Variants in CNTLN observed in about 807,000 individuals in gnomAD.
CNTLN encodes centlein.
Under a neutral mutation model 180.0 loss-of-function variants are expected in CNTLN, and 212 were observed. The ratio of observed to expected loss-of-function variants is 1.18; its 90% CI spans 1.05 to 1.32. The LOEUF is 1.32. Ranked by LOEUF, CNTLN falls within the 40% of genes most tolerant of loss-of-function variation. The probability of loss-of-function intolerance (pLI) is 0.00; values close to 1 mark genes in which losing one functional copy is unlikely to be tolerated. For synonymous variants in CNTLN, 722 were observed against 563.1 expected, an observed-to-expected ratio of 1.28 and a Z score of -3.99; for missense variants, 2,095 against 1,610.9, an observed-to-expected ratio of 1.30 and a Z score of -5.14.
intron 7 of CNTLN, among the ~76,000 whole-genome samples, chr9:17,307,177 A>G (rs1238718914): frequency 6.6e-6 from 1 of 152,246 alleles, no homozygotes; most frequent in Non-Finnish European, 1.5e-5. Flanking sequence ...TTTATAAATC[A>G]TATAGGCAAT....
At chr9:17,481,438 C>A (rs140993893) in intron 23 of CNTLN, among the ~76,000 whole-genome samples, 1 of 152,312 alleles carries the variant, frequency 6.6e-6, no homozygotes, top group Non-Finnish European at 1.5e-5. Context: ...TGGAACCCAG[C>A]TTGCAGCCAG....
At chr9:17,251,143 T>C (rs764689898) in intron 5 of CNTLN, among the ~76,000 whole-genome samples, 13 of 152,092 alleles carry the variant, frequency 8.5e-5, no homozygotes, top group Non-Finnish European at 1.9e-4. Flanking sequence ...ATGTATGTGA[T>C]GAGTCACTTC....
intron 15 of CNTLN, among the ~76,000 whole-genome samples, chr9:17,400,990 C>T (rs1204976629): frequency 2.6e-5 from 4 of 152,140 alleles, no homozygotes; most frequent in Non-Finnish European, 5.9e-5. Context: ...TTTTATACTG[C>T]TATTTTTTAA....
intron 2 of CNTLN, among the ~76,000 whole-genome samples, chr9:17,179,162 T>G (rs1010770388): frequency 4.2e-5 from 6 of 143,230 alleles, no homozygotes; most frequent in Non-Finnish European, 9.0e-5. Flanking sequence ...GAGAATGGCG[T>G]GAACCCGGGA....
intron 5 of CNTLN, among the ~76,000 whole-genome samples, chr9:17,253,625 A>G (rs1397315211): frequency 6.6e-6 from 1 of 151,296 alleles, no homozygotes; most frequent in Non-Finnish European, 1.5e-5. Context: ...GTATCCTGCA[A>G]CTTTACTGAA....
intron 6 of CNTLN, among the ~76,000 whole-genome samples, chr9:17,283,187 C>A (rs1398108257): frequency 6.6e-6 from 1 of 152,042 alleles, no homozygotes; most frequent in African/African-American, 2.4e-5. Context: ...GCAGTGTGGC[C>A]ATTTTCACGA....
rs1350493085 is a variant in CNTLN at position 17,486,289 on chromosome 9, CAGTAAATTTCAACAAATAA to C, written c.4042-699_4042-681del. On this transcript the variant is annotated intron_variant, in intron 24 of 25. Transcript: ENST00000380647. ...AGTGCCTAGCATGATGCCTGCCATA[CAGTAAATTTCAACAAATAA>C]TAGTTTCTCACGCCCTTCCCTTCTT... is the stretch of plus-strand genomic sequence containing the variant. Among the ~76,000 whole-genome samples, 3 of 54,124 alleles carry C rather than the reference CAGTAAATTTCAACAAATAA, an allele frequency of 5.5e-5. No homozygotes were observed. In the East Asian group the frequency reaches 1.7e-3, roughly 31 times the overall value. 35.5% of individuals were successfully genotyped at this position (54,124 alleles called of 152,430 possible).
In CNTLN at chr9:17,213,035, T is replaced by A. The variant is rs1262572677; in HGVS notation, c.450-13168T>A. Among the ~76,000 whole-genome samples the A allele has an allele frequency of 2.6e-5, 4 of 152,174 alleles. 1 individual carries two copies. In the East Asian group the frequency reaches 7.7e-4, roughly 29 times the overall value. ...TAGATTCATTGATTTTTCTGAAGTG[T>A]TTTTTGTGTCTCTATCTCCTTCAGT... On this transcript the variant is annotated intron_variant, in intron 2 of 25. Transcript: ENST00000380647.
intron 12 of CNTLN, among the ~76,000 whole-genome samples, chr9:17,361,252 C>T (rs1290455321): frequency 6.6e-6 from 1 of 152,166 alleles, no homozygotes; most frequent in Admixed American, 6.6e-5. Context: ...TGATGTTCCC[C>T]TTCCTGTGTC....
intron 6 of CNTLN, among the ~76,000 whole-genome samples, chr9:17,292,719 T>C (rs766597638): frequency 3.9e-5 from 6 of 152,186 alleles, no homozygotes; most frequent in Admixed American, 1.3e-4. Context: ...ATCATGGTTC[T>C]TAGCTTCTTT....
intron 2 of CNTLN, among the ~76,000 whole-genome samples, chr9:17,185,758 A>C (rs1243311896): frequency 8.2e-6 from 1 of 122,558 alleles, no homozygotes; most frequent in African/African-American, 3.4e-5. Flanking sequence ...TTGCTTTTTG[A>C]AATGTTTCCC....
rs373257904 is a variant in CNTLN, at chr9:17,352,389, AATATATATATAT to A, written c.1886+9962_1886+9973del. Among the ~76,000 whole-genome samples, 576 of 84,420 alleles carry A rather than the reference AATATATATATAT, an allele frequency of 6.8e-3. 1 individual carries two copies. Among genetic ancestry groups the A allele is most frequent in the Middle Eastern group, 0.015 (3 of 206 alleles). The allele number at this position is 84,420 out of a possible 152,430, so 55.4% of individuals were successfully genotyped here. A position where few individuals can be genotyped will look rare whatever the true frequency, so the allele number is the denominator to read the frequency against. Reference sequence around the variant, plus strand: ...AAGACTCCCAATCTTCTCAAGCTAGAATATATATATATATATATATATATATATTTTTTTTTT... The same window carrying A: ...AAGACTCCCAATCTTCTCAAGCTAGAATATATATATATATATTTTTTTTTT... On this transcript the variant is annotated intron_variant, in intron 12 of 25. Transcript: ENST00000380647.
At chr9:17,294,680 A>G (rs897211741) in intron 6 of CNTLN, among the ~76,000 whole-genome samples, 1 of 146,580 alleles carries the variant, frequency 6.8e-6, no homozygotes, top group East Asian at 2.1e-4. Flanking sequence ...GCCCTCCACC[A>G]GCACTCCTCA....
chr9:17,261,248 G>C lies in CNTLN; in HGVS notation c.850-12485G>C, dbSNP rs73416398. Among the ~76,000 whole-genome samples the C allele has an allele frequency of 1.7e-3, 262 of 151,440 alleles. 10 individuals carry two copies. The highest frequency in any genetic ancestry group is 6.2e-3 in the African/African-American group (254 of 40,946). ...GTTTGGTAAGAATAGCATCGAATTT[G>C]TAGATTCCTTCATGGAGTAGGGCCA... On this transcript the variant is annotated intron_variant, in intron 5 of 25. Coordinates refer to ENST00000380647, the MANE Select transcript of CNTLN (RefSeq NM_017738.4).
At chr9:17,472,768 C>T (rs889477376) in intron 23 of CNTLN, among the ~76,000 whole-genome samples, 11 of 152,140 alleles carry the variant, frequency 7.2e-5, no homozygotes, top group Admixed American at 4.6e-4. Context: ...CTACCCTTGG[C>T]CTTGTCATTA....
At chr9:17,158,875 A>C (rs1819482738) in intron 2 of CNTLN, among the ~76,000 whole-genome samples, 1 of 151,242 alleles carries the variant, frequency 6.6e-6, no homozygotes, top group Non-Finnish European at 1.5e-5. Context: ...TAATTTCTCC[A>C]CTAATTTTTA....
intron 2 of CNTLN, among the ~76,000 whole-genome samples, chr9:17,224,526 A>C (rs1824341082): frequency 6.6e-6 from 1 of 152,020 alleles, no homozygotes; most frequent in Admixed American, 6.6e-5. Context: ...AACTTGTCTC[A>C]ACTGTGTTTT....
chr9:17,225,255 C>G (rs796582006), intron 2 of CNTLN, among the ~76,000 whole-genome samples: 1 of 152,006 alleles, frequency 6.6e-6, no homozygotes, highest in Non-Finnish European at 1.5e-5. Flanking sequence ...CACAATGAGC[C>G]TGGTTGTGCT....
intron 24 of CNTLN, among the ~76,000 whole-genome samples, chr9:17,485,092 C>T (rs1281104448): frequency 6.6e-6 from 1 of 152,158 alleles, no homozygotes; most frequent in Non-Finnish European, 1.5e-5. Context: ...TGCCTCATAA[C>T]AGCAGAATCT....
Sources: gnomAD v4.1 joint callset for allele counts (sites outside exome capture counted in the v4.1 genomes callset) on GRCh38, gnomAD v4.1.1 for gene constraint, MANE v1.5 for transcripts, NCBI Gene and HGNC (gene_info 2026-07-23, HGNC 2026-07-21) for gene names.